The following CNTNAP5 variants were observed in gnomAD, a reference collection of about 807,000 sequenced individuals.
CNTNAP5 encodes the protein contactin associated protein family member 5, also known as contactin-associated protein-like 5.
In CNTNAP5, 72 loss-of-function variants were observed where a neutral mutation model predicts 150.2. The ratio of observed to expected loss-of-function variants is 0.48; its 90% CI spans 0.40 to 0.58. CNTNAP5 has a LOEUF of 0.58. Among genes scored for constraint, CNTNAP5 ranks in the 20% least tolerant of loss-of-function variants. The pLI is 0.00. For missense variants in CNTNAP5, 1,636 were observed against 1,626.2 expected, an observed-to-expected ratio of 1.01 and a Z score of -0.10; for synonymous variants, 672 against 619.8, an observed-to-expected ratio of 1.08 and a Z score of -1.25.
chr2:124,647,553 CG>C (rs1036680638), intron 12 of CNTNAP5, among the ~76,000 whole-genome samples: 4 of 152,150 alleles, frequency 2.6e-5, no homozygotes, highest in Non-Finnish European at 5.9e-5. Flanking sequence ...AAAAGGGCTC[CG>C]CAAATTGAGC....
chr2:124,193,950 G>A (rs1054478506), intron 1 of CNTNAP5, among the ~76,000 whole-genome samples: 7 of 152,084 alleles, frequency 4.6e-5, no homozygotes, highest in African/African-American at 2.4e-5. Context: ...CAGCAGGACC[G>A]GGTGTGAGCT....
intron 1 of CNTNAP5, among the ~76,000 whole-genome samples, chr2:124,085,602 G>T (rs1308856341): frequency 1.3e-5 from 2 of 152,032 alleles, no homozygotes; most frequent in Non-Finnish European, 2.9e-5. Flanking sequence ...TTGCAGCTTG[G>T]ATGATTGACT....
At chr2:124,572,673 A>G (rs926335428) in intron 11 of CNTNAP5, among the ~76,000 whole-genome samples, 1 of 152,188 alleles carries the variant, frequency 6.6e-6, no homozygotes, top group Non-Finnish European at 1.5e-5. Context: ...GTTGAGCCCT[A>G]TGTAAGTGCC....
intron 7 of CNTNAP5, among the ~76,000 whole-genome samples, chr2:124,499,531 T>G (rs147722049): frequency 6.6e-6 from 1 of 152,266 alleles, no homozygotes; most frequent in African/African-American, 2.4e-5. Flanking sequence ...GAGGACAGCT[T>G]TGCTTTTAGT....
intron 6 of CNTNAP5, among the ~76,000 whole-genome samples, chr2:124,473,818 C>T (rs970254053): frequency 1.3e-5 from 2 of 151,860 alleles, no homozygotes; most frequent in South Asian, 2.1e-4. Context: ...CATAACAGGC[C>T]GCCTTGCTTT....
intron 19 of CNTNAP5, among the ~76,000 whole-genome samples, chr2:124,813,419 T>C (rs565108205): frequency 2.0e-5 from 3 of 147,776 alleles, no homozygotes; most frequent in South Asian, 2.1e-4. Context: ...AGAAAAGATA[T>C]ACCCTCACTG....
At chr2:124,822,396 T>A (rs750002515) in intron 19 of CNTNAP5, among the ~76,000 whole-genome samples, 3 of 152,202 alleles carry the variant, frequency 2.0e-5, no homozygotes, top group Non-Finnish European at 4.4e-5. Flanking sequence ...TGGACAATTT[T>A]AACCAGTGTA....
chr2:124,113,674 A>G (rs1371100616), intron 1 of CNTNAP5, among the ~76,000 whole-genome samples: 1 of 151,906 alleles, frequency 6.6e-6, no homozygotes, highest in East Asian at 1.9e-4. Context: ...TAATTTTACT[A>G]ATCTAATTCA....
chr2:124,659,143 A>C (rs1678520908), intron 13 of CNTNAP5, among the ~76,000 whole-genome samples: 1 of 152,244 alleles, frequency 6.6e-6, no homozygotes, highest in Non-Finnish European at 1.5e-5. Flanking sequence ...GGAAGAATAA[A>C]AAGTGTTTGA....
At chr2:124,071,378 T>G (rs1433627335) in intron 1 of CNTNAP5, among the ~76,000 whole-genome samples, 1 of 151,380 alleles carries the variant, frequency 6.6e-6, no homozygotes, top group Non-Finnish European at 1.5e-5. Context: ...AAAATTAAAA[T>G]GAAAACAATG....
At chr2:124,155,227 C>G (rs1684497577) in intron 1 of CNTNAP5, among the ~76,000 whole-genome samples, 1 of 152,056 alleles carries the variant, frequency 6.6e-6, no homozygotes, top group South Asian at 2.1e-4. Flanking sequence ...TTGTACATGA[C>G]TGCTCTTTAG....
chr2:124,863,173 T>C (rs895685430), intron 19 of CNTNAP5, among the ~76,000 whole-genome samples: 1 of 152,184 alleles, frequency 6.6e-6, no homozygotes, highest in Admixed American at 6.5e-5. Context: ...CCTTAAGGAA[T>C]GTGGGGGTCG....
chr2:124,482,806 G>A (rs1693790158), intron 7 of CNTNAP5, among the ~76,000 whole-genome samples: 1 of 152,182 alleles, frequency 6.6e-6, no homozygotes, highest in African/African-American at 2.4e-5. Flanking sequence ...GGAGAAGGAG[G>A]CGAATGCTGC....
intron 3 of CNTNAP5, among the ~76,000 whole-genome samples, chr2:124,302,919 T>G (rs1454990199): frequency 6.6e-6 from 1 of 152,192 alleles, no homozygotes; most frequent in Non-Finnish European, 1.5e-5. Flanking sequence ...ATCTTGCATG[T>G]TTACTGCTCA....
At chr2:124,588,586 A>G (rs1221232676) in intron 11 of CNTNAP5, among the ~76,000 whole-genome samples, 1 of 152,092 alleles carries the variant, frequency 6.6e-6, no homozygotes, top group Non-Finnish European at 1.5e-5. Flanking sequence ...TTACTGGGAC[A>G]GTTTATATTG....
At chr2:124,696,792 A>C (rs1679414640) in intron 13 of CNTNAP5, among the ~76,000 whole-genome samples, 1 of 152,178 alleles carries the variant, frequency 6.6e-6, no homozygotes, top group Non-Finnish European at 1.5e-5. Flanking sequence ...CTAAACACAC[A>C]TTCACACACA....
chr2:124,470,879 G>T (rs866109437), intron 6 of CNTNAP5, among the ~76,000 whole-genome samples: 1 of 152,006 alleles, frequency 6.6e-6, no homozygotes, highest in East Asian at 1.9e-4. Flanking sequence ...GATGATTGTA[G>T]GTGTGTGGTC....
chr2:124,338,623 G>A (rs1395328455), intron 3 of CNTNAP5, among the ~76,000 whole-genome samples: 1 of 152,062 alleles, frequency 6.6e-6, no homozygotes, highest in Non-Finnish European at 1.5e-5. Context: ...GAGATTCCTA[G>A]GGAGAGGGTT....
intron 10 of CNTNAP5, among the ~76,000 whole-genome samples, chr2:124,552,831 C>G (rs1193271702): frequency 2.6e-5 from 4 of 152,104 alleles, no homozygotes; most frequent in Non-Finnish European, 1.5e-5. Flanking sequence ...GTTTTCCAGT[C>G]CATTGAAGGA....
Sources: allele counts gnomAD v4.1 joint callset (sites outside exome capture counted in the v4.1 genomes callset), GRCh38; gene constraint gnomAD v4.1.1; transcripts MANE v1.5; gene names NCBI Gene and HGNC (gene_info 2026-07-23, HGNC 2026-07-21).